ARHGEF2: variants seen among roughly 807,000 people sequenced by gnomAD.
ARHGEF2 encodes Rho/Rac guanine nucleotide exchange factor 2, also known as rho guanine nucleotide exchange factor 2.
ARHGEF2 carries 22 observed loss-of-function variants against 121.0 expected under a neutral mutation model. The ratio of observed to expected loss-of-function variants is 0.18; its 90% CI spans 0.13 to 0.26. The LOEUF is 0.26. ARHGEF2 is among the 10% of genes least tolerant of loss of function. The probability of loss-of-function intolerance (pLI) is 1.00; values close to 1 mark genes in which losing one functional copy is unlikely to be tolerated. For synonymous variants in ARHGEF2, 487 were observed against 530.0 expected, an observed-to-expected ratio of 0.92 and a Z score of 1.11; for missense variants, 907 against 1,336.0, an observed-to-expected ratio of 0.68 and a Z score of 5.01.
chr1:155,970,587 G>A, intron 1 of ARHGEF2: 2 of 985,496 alleles, frequency 2.0e-6, no homozygotes, highest in Non-Finnish European at 2.4e-6. Context: ...CCTGGACTGG[G>A]GACAGAGGAT....
chr1:155,952,741 T>C lies in ARHGEF2; in HGVS notation c.1871A>G (p.Glu624Gly). The C allele has an allele frequency of 6.2e-7, 1 of 1,614,210 alleles. No individual in the cohort carries two copies. Among genetic ancestry groups the C allele is most frequent in the Non-Finnish European group, 8.5e-7 (1 of 1,180,038 alleles). ...LFAEMTHFQAEEDGGSGMALP... is the reference protein window; with the variant it reads ...LFAEMTHFQAGEDGGSGMALP... ...GGCCATCCCACTGCCACCATCCTCT[T>C]CGGCCTGGAAATGGGTCATCTCAGC... is the stretch of plus-strand genomic sequence containing the variant. Residue 624 changes from glutamate to glycine, a missense_variant, in exon 15 of 22, where the codon GAA (glutamate) becomes GGA (glycine). Glu to Gly is a moderately conservative substitution (Grantham distance 98). Around this residue, in one of 2 missense-constraint regions of ARHGEF2, gnomAD observed 432 missense variants for 559.5 expected, o/e 0.77. Transcript: ENST00000361247.
In ARHGEF2 at chr1:155,965,896, TGAGAA is replaced by T; in HGVS notation, c.341-141_341-137del. ...CCCCTCTAGTCAAGAAAGATGGTAA[TGAGAA>T]TGCCACCTTACATTTGTGCCATACT... On this transcript the variant is annotated intron_variant, in intron 4 of 21. Transcript: ENST00000361247. The surrounding 1 kb of genome is among the most constrained non-coding windows in gnomAD (Gnocchi z 6.0). 9.1e-7 allele frequency: 1 copy of T among 1,095,548 alleles called. No individual in the cohort carries two copies. Among genetic ancestry groups the T allele is most frequent in the Non-Finnish European group, 1.2e-6 (1 of 804,528 alleles). The allele number at this position is 1,095,548 out of a possible 1,614,324, so 67.9% of individuals were successfully genotyped here.
chr1:155,963,216 C>T (rs766167406), intron 7 of ARHGEF2, 33 bp from the exon 8 acceptor site: 2 of 1,593,926 alleles, frequency 1.3e-6, no homozygotes, highest in Non-Finnish European at 1.7e-6. Flanking sequence ...TGGCCTCTAC[C>T]CTGGCTTGGC....
In ARHGEF2 at chr1:155,965,908, C is replaced by G; in HGVS notation, c.341-148G>C. The G allele has an allele frequency of 2.0e-6, 2 of 1,014,714 alleles. No homozygotes were observed. The highest frequency in any genetic ancestry group is 2.7e-6 in the Non-Finnish European group (2 of 732,532). The allele number at this position is 1,014,714 out of a possible 1,614,324, so 62.9% of individuals were successfully genotyped here. A position where few individuals can be genotyped will look rare whatever the true frequency, so the allele number is the denominator to read the frequency against. On this transcript the variant is annotated intron_variant, in intron 4 of 21. Transcript: ENST00000361247. The surrounding 1 kb of genome is among the most constrained non-coding windows in gnomAD (Gnocchi z 6.0). ...AGAAAGATGGTAATGAGAATGCCAC[C>G]TTACATTTGTGCCATACTCTAATGT...
Position 155,951,753 on chromosome 1 carries a change from T to C in ARHGEF2, c.2196A>G (p.Arg732=). 1 of 1,614,072 alleles carries C rather than the reference T, an allele frequency of 6.2e-7. No homozygotes were observed. The highest frequency in any genetic ancestry group is 8.5e-7 in the Non-Finnish European group (1 of 1,180,002). Residue 732 remains arginine (R), a synonymous_variant, in exon 18 of 22, where the codon AGA becomes AGG. Transcript: ENST00000361247. This position sits in a 1 kb window ranked among gnomAD's most constrained non-coding sequence, Gnocchi z 5.1. ...SQRDRNGNQL[R]SPQEEALQRL... is the part of the protein sequence containing the mutation. ...ATTCCCATCTCACCTCTTGCGGTGA[T>C]CTCAGCTGATTTCCATTTCGATCCT...
chr1:155,957,638 A>T, intron 13 of ARHGEF2, 75 bp downstream of exon 13: 1 of 1,466,498 alleles, frequency 6.8e-7, no homozygotes, highest in Non-Finnish European at 9.1e-7. Context: ...GTTCCCAGGG[A>T]GTTCTATGGT....
At position 155,963,038 on chromosome 1, in the gene ARHGEF2, A is replaced by G. The variant is rs1678286281; in HGVS notation, c.870T>C (p.His290=). 1.2e-6 allele frequency: 2 copies of G among 1,614,126 alleles called. No homozygotes were observed. Among genetic ancestry groups the G allele is most frequent in the African/African-American group, 1.3e-5 (1 of 75,006 alleles). The change falls in exon 8 of 22, where the codon CAT becomes CAC. Residue 290 remains histidine (H), a synonymous_variant. Transcript: ENST00000361247. ...CTAATAGCTGGCTGAGGAAGCGTGT[A>G]TGGATGTCACTGAGCTCGTCCACGC... ...FPCVDELSDI[H]TRFLSQLLER... is the part of the protein sequence containing the mutation.
chr1:155,950,124 C>A lies in ARHGEF2; in HGVS notation c.2887+175G>T. 1 of 735,872 alleles carries A rather than the reference C, an allele frequency of 1.4e-6. No individual in the cohort carries two copies. The highest frequency in any genetic ancestry group is 2.2e-6 in the Non-Finnish European group (1 of 453,106). The allele number at this position is 735,872 out of a possible 1,614,324, so 45.6% of individuals were successfully genotyped here. A position where few individuals can be genotyped will look rare whatever the true frequency, so the allele number is the denominator to read the frequency against. On this transcript the variant is annotated intron_variant, in intron 21 of 21. Coordinates refer to ENST00000361247, the MANE Select transcript of ARHGEF2 (RefSeq NM_001162383.2). This position sits in a 1 kb window ranked among gnomAD's most constrained non-coding sequence, Gnocchi z 5.2. ...CACCAACCAGTTGGAGGAGAGAGGC[C>A]CCTCCTGCTTCCTAGACTTCCACCA...
chr1:155,979,348 G>T (rs1470291280), upstream of ARHGEF2: 1 of 985,046 alleles, frequency 1.0e-6, no homozygotes, highest in African/African-American at 1.7e-5. Context: ...AAACCAGCCT[G>T]CCCTAGTCAA....
intron 1 of ARHGEF2, among the ~76,000 whole-genome samples, chr1:155,974,855 G>GC (rs1428269667): frequency 1.3e-5 from 2 of 151,644 alleles, no homozygotes; most frequent in Non-Finnish European, 2.9e-5. Flanking sequence ...GAAAGAGAGG[G>GC]GGGGTAAGCG....
intron 13 of ARHGEF2, 115 bp downstream of exon 13, chr1:155,957,598 C>T (rs989676398): frequency 2.5e-5 from 32 of 1,269,312 alleles, no homozygotes; most frequent in Non-Finnish European, 3.0e-5. Flanking sequence ...CTCCCTCAAC[C>T]TCTTCCCCCA....
At position 155,965,749 on chromosome 1, in the gene ARHGEF2, C is replaced by A; in HGVS notation, c.352G>T (p.Glu118Ter). The A allele has an allele frequency of 6.3e-7, 1 of 1,596,696 alleles. No homozygotes were observed. The highest frequency in any genetic ancestry group is 8.5e-7 in the Non-Finnish European group (1 of 1,175,910). Reference protein sequence around the residue: ...VSLRSKTTIRERPSSAIYPSD... With the variant: ...VSLRSKTTIR ...GGGTAGATGGCCGAGCTTGGCCGCT[C>A]CCGGATGGTTGCTGTGGGGGAGAGA... is the stretch of plus-strand genomic sequence containing the variant. The change falls in exon 5 of 22, where the codon GAG (glutamate) becomes TAG (stop). Residue 118 changes from glutamate (E) to a stop codon, truncating the protein, a stop_gained. Transcript: ENST00000361247. LOFTEE classifies it high-confidence loss of function. The surrounding 1 kb of genome is among the most constrained non-coding windows in gnomAD (Gnocchi z 6.0).
intron 1 of ARHGEF2, among the ~76,000 whole-genome samples, chr1:155,975,410 T>C (rs1164001261): frequency 6.6e-6 from 1 of 152,072 alleles, no homozygotes; most frequent in Non-Finnish European, 1.5e-5. Context: ...CTAGGCCCCA[T>C]CTAACCTCCT....
intron 11 of ARHGEF2, 56 bp from the exon 12 acceptor site, chr1:155,958,452 T>G: frequency 1.5e-6 from 2 of 1,364,594 alleles, no homozygotes; most frequent in Non-Finnish European, 2.1e-6. Flanking sequence ...GAGCAGCTGC[T>G]TCCCTCTTTC....
intron 1 of ARHGEF2, among the ~76,000 whole-genome samples, chr1:155,976,412 CACTCAGCCCCCG>C (rs1681300876): frequency 6.6e-6 from 1 of 151,824 alleles, no homozygotes; most frequent in African/African-American, 2.4e-5. Flanking sequence ...CAGATCCACC[CACTCAGCCCCCG>C]ACTCCCTGCT....
At chr1:155,954,831 A>C in intron 14 of ARHGEF2, 71 bp downstream of exon 14, 1 of 1,418,372 alleles carries the variant, frequency 7.1e-7, no homozygotes, top group Non-Finnish European at 9.8e-7. Flanking sequence ...TCATCTTTTT[A>C]ACAGTTGCAT....
intron 14 of ARHGEF2, among the ~76,000 whole-genome samples, chr1:155,953,244 C>T (rs904840993): frequency 5.7e-5 from 8 of 140,834 alleles, no homozygotes; most frequent in African/African-American, 1.1e-4. Context: ...CCAGCCTGGG[C>T]GACACAGCAA....
intron 11 of ARHGEF2, among the ~76,000 whole-genome samples, chr1:155,959,392 A>G (rs994250202): frequency 6.6e-6 from 1 of 151,316 alleles, no homozygotes. Context: ...GGGATTAAGG[A>G]GCACGCCACA....
chr1:155,978,658 C>CG, upstream of ARHGEF2: 3 of 1,150,284 alleles, frequency 2.6e-6, no homozygotes, highest in Non-Finnish European at 3.3e-6. The surrounding 1 kb of genome is among the most constrained non-coding windows in gnomAD (Gnocchi z 4.1). Flanking sequence ...GCGCGCAGGA[C>CG]GGGACGCCAG....
Sources: gnomAD v4.1 joint callset for allele counts (sites outside exome capture counted in the v4.1 genomes callset) on GRCh38, gnomAD v4.1.1 for gene constraint, gnomAD v4.1.1 regional missense constraint, Gnocchi (gnomAD v3.1) non-coding constraint, MANE v1.5 for transcripts, NCBI Gene and HGNC (gene_info 2026-07-23, HGNC 2026-07-21) for gene names.